The following HYAL4 variants were observed in gnomAD, a reference collection of about 807,000 sequenced individuals.
The protein encoded by HYAL4 is hyaluronidase 4.
In HYAL4, 37 loss-of-function variants were observed where a neutral mutation model predicts 35.2. That is an observed-to-expected ratio of 1.05 (90% CI 0.81 to 1.38). The LOEUF (loss-of-function observed/expected upper bound fraction) is 1.38, where lower values mean the gene tolerates loss of function less well. HYAL4 is among the 40% of genes most tolerant of loss of function. The pLI, the probability that HYAL4 is intolerant of heterozygous loss-of-function variation, is 0.00. For missense variants in HYAL4, 572 were observed against 572.4 expected (o/e 1.00, Z 0.01); for synonymous variants, 198 against 203.2 (o/e 0.97, Z 0.22).
intron 4 of HYAL4, among the ~76,000 whole-genome samples, chr7:123,876,516 A>G (rs1807027921): frequency 6.6e-6 from 1 of 152,206 alleles, no homozygotes; most frequent in Non-Finnish European, 1.5e-5. Flanking sequence ...TGATTATAAC[A>G]TAGTATCCAT....
intron 2 of HYAL4, among the ~76,000 whole-genome samples, chr7:123,864,833 G>T (rs1806649957): frequency 6.6e-6 from 1 of 151,490 alleles, no homozygotes; most frequent in African/African-American, 2.4e-5. Flanking sequence ...AACTAGGAGG[G>T]CACACCAGTG....
chr7:123,799,789 G>T, the HYAL4 span, among the ~76,000 whole-genome samples: 1 of 152,014 alleles, frequency 6.6e-6, no homozygotes, highest in South Asian at 2.1e-4. Context: ...TTTAAACAAG[G>T]TCTCTTATTT....
intron 2 of HYAL4, among the ~76,000 whole-genome samples, chr7:123,863,473 G>T (rs1806621613): frequency 6.6e-6 from 1 of 152,156 alleles, no homozygotes; most frequent in South Asian, 2.1e-4. Flanking sequence ...GAGGGTATTA[G>T]GAGGAAACTA....
At chr7:123,787,260 T>G in the HYAL4 span, among the ~76,000 whole-genome samples, 1 of 152,150 alleles carries the variant, frequency 6.6e-6, no homozygotes, top group Non-Finnish European at 1.5e-5. Flanking sequence ...CCCTGGGGCA[T>G]TATATAGTTA....
upstream of HYAL4, among the ~76,000 whole-genome samples, chr7:123,842,759 C>T (rs1021260812): frequency 2.0e-5 from 3 of 151,978 alleles, no homozygotes; most frequent in African/African-American, 7.2e-5. Context: ...TAATGGCGTT[C>T]TTTGTCTCTT....
intron 2 of HYAL4, among the ~76,000 whole-genome samples, chr7:123,863,857 C>T (rs1806631048): frequency 6.6e-6 from 1 of 152,012 alleles, no homozygotes; most frequent in Non-Finnish European, 1.5e-5. Context: ...TTATCACAAG[C>T]AAGTAAGCTT....
At chr7:123,836,317 T>C (rs1360156163) in intron 1 of HYAL4, among the ~76,000 whole-genome samples, 1 of 152,218 alleles carries the variant, frequency 6.6e-6, no homozygotes, top group Non-Finnish European at 1.5e-5. Context: ...AGAAGGCCTT[T>C]TATTACTACA....
chr7:123,863,592 A>G (rs2116948765), intron 2 of HYAL4, among the ~76,000 whole-genome samples: 1 of 152,298 alleles, frequency 6.6e-6, no homozygotes, highest in Non-Finnish European at 1.5e-5. Context: ...GTGATTGGGT[A>G]AAGAATAGCA....
chr7:123,868,945 C>A lies in HYAL4; in HGVS notation c.672C>A (p.His224Gln), dbSNP rs755525977. The change falls in exon 3 of 5, where the codon CAC becomes CAA. Residue 224 changes from histidine to glutamine, a missense_variant. His to Gln is a conservative substitution (Grantham distance 24, BLOSUM62 0). Transcript: ENST00000223026. The stretch of plus-strand genomic sequence containing the variant: ...GTTATTATTTATATCCTGATTGCCA[C>A]AATTATAACGTTTATGCCCCAAACT... Reference protein sequence around the residue: ...LWGYYLYPDCHNYNVYAPNYS... With the variant: ...LWGYYLYPDCQNYNVYAPNYS... The A allele has an allele frequency of 1.2e-6, 2 of 1,613,978 alleles. No homozygotes were observed. Among genetic ancestry groups the A allele is most frequent in the East Asian group, 4.5e-5 (2 of 44,872 alleles).
chr7:123,852,581 C>T (rs1170534967), intron 2 of HYAL4, among the ~76,000 whole-genome samples: 1 of 152,022 alleles, frequency 6.6e-6, no homozygotes, highest in Non-Finnish European at 1.5e-5. Flanking sequence ...CCTCTGTTCT[C>T]TTCCATTGGT....
chr7:123,784,806 T>G, the HYAL4 span, among the ~76,000 whole-genome samples: 13 of 152,162 alleles, frequency 8.5e-5, no homozygotes, highest in Non-Finnish European at 1.9e-4. Context: ...CCTTCCAGGA[T>G]GTGGGAAGGA....
chr7:123,833,167 A>G (rs1354495342), intron 1 of HYAL4, among the ~76,000 whole-genome samples: 1 of 152,200 alleles, frequency 6.6e-6, no homozygotes, highest in African/African-American at 2.4e-5. Context: ...ACTGCTTTCC[A>G]TAGTGATTGT....
chr7:123,830,108 T>A (rs1481880811), intron 1 of HYAL4, among the ~76,000 whole-genome samples: 1 of 152,206 alleles, frequency 6.6e-6, no homozygotes, highest in Non-Finnish European at 1.5e-5. Flanking sequence ...ATATTACAAG[T>A]GACCATTTTC....
rs751410316 is a variant in HYAL4 at position 123,877,162 on chromosome 7, TG to T, written c.*8del. 1.2e-6 allele frequency: 2 copies of T among 1,609,110 alleles called. No individual in the cohort carries two copies. Among genetic ancestry groups the T allele is most frequent in the African/African-American group, 2.7e-5 (2 of 74,694 alleles). ...TCGAAGCATTCAGTTGTGAGATAAT[TG>T]AGTTTAAAGGGAATTGTGTGGCCTC... On this transcript the variant is annotated 3_prime_UTR_variant, in exon 5 of 5. Coordinates refer to ENST00000223026, the MANE Select transcript of HYAL4 (RefSeq NM_012269.3).
intron 2 of HYAL4, among the ~76,000 whole-genome samples, chr7:123,865,233 A>T (rs1336293676): frequency 6.6e-6 from 1 of 152,078 alleles, no homozygotes; most frequent in African/African-American, 2.4e-5. Context: ...GGCAGGGTAG[A>T]TTTTTCTTTT....
chr7:123,869,609 C>T (rs1386521048), intron 3 of HYAL4, among the ~76,000 whole-genome samples: 1 of 151,764 alleles, frequency 6.6e-6, no homozygotes, highest in Non-Finnish European at 1.5e-5. Flanking sequence ...TTTGCTCATA[C>T]ATGTGGAAGC....
the HYAL4 span, among the ~76,000 whole-genome samples, chr7:123,796,348 A>T: frequency 1.3e-5 from 2 of 152,238 alleles, no homozygotes; most frequent in African/African-American, 2.4e-5. Context: ...TCTGGAAAAA[A>T]AATGTTTTTA....
rs71163703 is a variant in HYAL4, at chr7:123,832,479, C to CT, written c.-257+3393dup. Among the ~76,000 whole-genome samples, 64 of 21,842 alleles carry CT rather than the reference C, an allele frequency of 2.9e-3. 18 individuals are homozygous for CT. The highest frequency in any genetic ancestry group is 3.6e-3 in the South Asian group (2 of 562). The allele number at this position is 21,842 out of a possible 152,430, so 14.3% of individuals were successfully genotyped here. A position where few individuals can be genotyped will look rare whatever the true frequency, so the allele number is the denominator to read the frequency against. ...AGTCCCCAAAGTCTATTGTGTCATA[C>CT]TTTTTTTTTTTTTTTTTTTTTTTTT... On this transcript the variant is annotated intron_variant, in intron 1 of 4. Transcript: ENST00000489978.
At chr7:123,869,731 A>C (rs1323851365) in intron 3 of HYAL4, among the ~76,000 whole-genome samples, 9 of 150,176 alleles carry the variant, frequency 6.0e-5, no homozygotes, top group African/African-American at 9.8e-5. Flanking sequence ...CTTGTCACCT[A>C]GGCTGGAGTG....
Sources: allele counts gnomAD v4.1 joint callset (sites outside exome capture counted in the v4.1 genomes callset), GRCh38; gene constraint gnomAD v4.1.1; transcripts MANE v1.5; gene names NCBI Gene and HGNC (gene_info 2026-07-23, HGNC 2026-07-21).